The following ADGRL3 variants were observed in gnomAD, a reference collection of about 807,000 sequenced individuals.
ADGRL3 encodes the protein calcium-independent alpha-latrotoxin receptor 3.
In ADGRL3, 62 loss-of-function variants were observed where a neutral mutation model predicts 153.5. The ratio of observed to expected loss-of-function variants is 0.40; its 90% CI spans 0.33 to 0.50. The LOEUF (loss-of-function observed/expected upper bound fraction) is 0.50, where lower values mean the gene tolerates loss of function less well. Ranked by LOEUF, ADGRL3 falls within the 20% of genes least tolerant of loss-of-function variation. The probability of loss-of-function intolerance (pLI) is 0.47; values close to 1 mark genes in which losing one functional copy is unlikely to be tolerated. For synonymous variants in ADGRL3, 710 were observed against 672.5 expected (o/e 1.06, Z -0.86); for missense variants, 1,641 against 1,859.4 (o/e 0.88, Z 2.16).
At chr4:61,617,284 G>A (rs537979466) in intron 5 of ADGRL3, among the ~76,000 whole-genome samples, 2 of 152,176 alleles carry the variant, frequency 1.3e-5, no homozygotes, top group African/African-American at 2.4e-5. Context: ...TAATTCCAAT[G>A]TATGTTATTC....
At chr4:61,689,535 C>T (rs2095502821) in intron 6 of ADGRL3, among the ~76,000 whole-genome samples, 1 of 152,124 alleles carries the variant, frequency 6.6e-6, no homozygotes, top group South Asian at 2.1e-4. Flanking sequence ...CTTCTCTGTC[C>T]ATCATGCTAC....
chr4:61,973,226 C>T (rs2099035709), intron 17 of ADGRL3, among the ~76,000 whole-genome samples: 1 of 151,704 alleles, frequency 6.6e-6, no homozygotes, highest in South Asian at 2.1e-4. Flanking sequence ...AATCATAAGG[C>T]AAAAGTCACA....
chr4:61,780,941 T>C (rs545695907), intron 8 of ADGRL3, among the ~76,000 whole-genome samples: 1 of 152,354 alleles, frequency 6.6e-6, no homozygotes, highest in African/African-American at 2.4e-5. Flanking sequence ...TAAAAGCATC[T>C]TTTCAAATCT....
rs11383976 is a variant in ADGRL3, at chr4:61,719,604, C to CTT, written c.584-11003_584-11002dup. Reference sequence around the variant, plus strand: ...TGCATTTCTTTCACCTCTGTCATACCTTTTTTTTTTTTTTTTAAGACAGAG... The same window carrying CTT: ...TGCATTTCTTTCACCTCTGTCATACCTTTTTTTTTTTTTTTTTTAAGACAGAG... On this transcript the variant is annotated intron_variant, in intron 6 of 26. Coordinates refer to ENST00000683033, the MANE Select transcript of ADGRL3 (RefSeq NM_001387552.1). Among the ~76,000 whole-genome samples, 1,172 of 137,040 alleles carry CTT rather than the reference C, an allele frequency of 8.6e-3. 21 individuals are homozygous for CTT. The highest frequency in any genetic ancestry group is 0.026 in the African/African-American group (942 of 36,748). 89.9% of individuals were successfully genotyped at this position (137,040 alleles called of 152,430 possible). A position where few individuals can be genotyped will look rare whatever the true frequency, so the allele number is the denominator to read the frequency against.
Position 61,438,232 on chromosome 4 carries a change from C to T in ADGRL3, c.-174+55043C>T, listed in dbSNP as rs1275163224. ...AGGAGGTAAGAATATTTTAGTACCT[C>T]TTTTGGAAAATTGCATGCTAAAATG... On this transcript the variant is annotated intron_variant, in intron 2 of 26. Coordinates refer to ENST00000683033, the MANE Select transcript of ADGRL3 (RefSeq NM_001387552.1). Among the ~76,000 whole-genome samples, 3 of 152,172 alleles carry T rather than the reference C, an allele frequency of 2.0e-5. No individual in the cohort carries two copies. The East Asian group carries it at 5.8e-4, about 29-fold the overall frequency.
At chr4:61,979,026 T>C (rs1282442739) in intron 17 of ADGRL3, among the ~76,000 whole-genome samples, 1 of 152,174 alleles carries the variant, frequency 6.6e-6, no homozygotes, top group Non-Finnish European at 1.5e-5. Flanking sequence ...TGGGGATCTT[T>C]ATGAAAATAC....
intron 1 of ADGRL3, among the ~76,000 whole-genome samples, chr4:61,260,568 G>C (rs1578016296): frequency 1.3e-5 from 2 of 152,174 alleles, no homozygotes; most frequent in Middle Eastern, 6.8e-3. Context: ...TTTTAGGGTG[G>C]TTCTAAGAGT....
At chr4:62,032,954 A>C (rs573826683) in intron 23 of ADGRL3, among the ~76,000 whole-genome samples, 2 of 151,812 alleles carry the variant, frequency 1.3e-5, no homozygotes, top group Admixed American at 6.6e-5. Flanking sequence ...GTTGTTTTAA[A>C]ATAGATGAAT....
chr4:61,598,843 C>A lies in ADGRL3; in HGVS notation c.473+11403C>A, dbSNP rs569948463. Reference sequence around the variant, plus strand: ...TTATCCATTTTTTATTTAAAATTTTCTTTTGATTTTGTCAGGATGATAGAG... The same window carrying A: ...TTATCCATTTTTTATTTAAAATTTTATTTTGATTTTGTCAGGATGATAGAG... On this transcript the variant is annotated intron_variant, in intron 5 of 26. Transcript: ENST00000683033. 9.1e-4 allele frequency among the ~76,000 whole-genome samples: 138 copies of A among 151,890 alleles called. 1 individual carries two copies. Among genetic ancestry groups the A allele is most frequent in the African/African-American group, 3.1e-3 (129 of 41,442 alleles).
chr4:61,423,334 C>A (rs1476056140), intron 2 of ADGRL3, among the ~76,000 whole-genome samples: 4 of 152,160 alleles, frequency 2.6e-5, no homozygotes, highest in African/African-American at 9.7e-5. Flanking sequence ...ATAGAAGCAG[C>A]CCTTGGAACA....
At chr4:61,510,529 T>A (rs1019314307) in intron 3 of ADGRL3, among the ~76,000 whole-genome samples, 1 of 152,192 alleles carries the variant, frequency 6.6e-6, no homozygotes, top group African/African-American at 2.4e-5. Flanking sequence ...ATTTCCCCAT[T>A]GCATATTTTT....
intron 2 of ADGRL3, among the ~76,000 whole-genome samples, chr4:61,456,471 C>CTATATCTATATATATAGA (rs1560665296): frequency 9.0e-6 from 1 of 110,552 alleles, no homozygotes; most frequent in Non-Finnish European, 1.8e-5. Context: ...ATAGATATAT[C>CTATATCTATATATATAGA]TATATCTATA....
chr4:61,831,215 A>G (rs1158256767), intron 9 of ADGRL3, among the ~76,000 whole-genome samples: 1 of 151,934 alleles, frequency 6.6e-6, no homozygotes, highest in East Asian at 1.9e-4. Context: ...AATAACAATT[A>G]AGAGAGGGAG....
chr4:61,534,713 G>T lies in ADGRL3; in HGVS notation c.259+17195G>T, dbSNP rs558951815. On this transcript the variant is annotated intron_variant, in intron 4 of 26. Transcript: ENST00000683033. ...TTTTTGTGTGTGGATATTTTAAATG[G>T]GATTGAGTTCTTAATTTGGTTCTCA... is the stretch of plus-strand genomic sequence containing the variant. Among the ~76,000 whole-genome samples, 7 of 152,054 alleles carry T rather than the reference G, an allele frequency of 4.6e-5. No homozygotes were observed. The East Asian group carries it at 1.2e-3, about 25-fold the overall frequency.
chr4:61,748,657 AT>A (rs2096707761), intron 8 of ADGRL3, among the ~76,000 whole-genome samples: 1 of 152,176 alleles, frequency 6.6e-6, no homozygotes, highest in African/African-American at 2.4e-5. Context: ...GGCTAGCCAT[AT>A]GTAGAAAGCT....
intron 9 of ADGRL3, among the ~76,000 whole-genome samples, chr4:61,888,347 T>A (rs963459519): frequency 6.6e-6 from 1 of 152,248 alleles, no homozygotes; most frequent in Non-Finnish European, 1.5e-5. Context: ...TAAGATTCAA[T>A]AACAGTATAT....
chr4:61,500,192 G>T (rs1456059684), intron 3 of ADGRL3, among the ~76,000 whole-genome samples: 1 of 152,014 alleles, frequency 6.6e-6, no homozygotes, highest in Non-Finnish European at 1.5e-5. Flanking sequence ...CATTTTATGT[G>T]GACTATTCAA....
At chr4:61,964,100 A>G (rs1458062075) in intron 17 of ADGRL3, among the ~76,000 whole-genome samples, 1 of 152,228 alleles carries the variant, frequency 6.6e-6, no homozygotes, top group Non-Finnish European at 1.5e-5. Flanking sequence ...AGGAATAAGA[A>G]TTAAAAATCA....
At chr4:61,793,000 A>T (rs1016569922) in intron 8 of ADGRL3, among the ~76,000 whole-genome samples, 8 of 151,312 alleles carry the variant, frequency 5.3e-5, no homozygotes, top group Non-Finnish European at 1.0e-4. Flanking sequence ...AAAAAAGTTG[A>T]TTGGAATCAC....
Sources: gnomAD v4.1 joint callset for allele counts (sites outside exome capture counted in the v4.1 genomes callset) on GRCh38, gnomAD v4.1.1 for gene constraint, MANE v1.5 for transcripts, NCBI Gene and HGNC (gene_info 2026-07-23, HGNC 2026-07-21) for gene names.